Variants in CNTN5 observed in about 807,000 individuals in gnomAD.
The protein encoded by CNTN5 is contactin-5.
In CNTN5, 77 loss-of-function variants were observed where a neutral mutation model predicts 129.1. The observed-to-expected ratio is 0.60, with a 90% CI of 0.50 to 0.72. The LOEUF (loss-of-function observed/expected upper bound fraction) is 0.72. CNTN5 is among the 30% of genes least tolerant of loss of function. The probability of loss-of-function intolerance (pLI) is 0.00; values close to 1 mark genes in which losing one functional copy is unlikely to be tolerated. For synonymous variants in CNTN5, 509 were observed against 465.6 expected, an observed-to-expected ratio of 1.09 and a Z score of -1.20; for missense variants, 1,478 against 1,328.8, an observed-to-expected ratio of 1.11 and a Z score of -1.75.
At chr11:99,610,262 A>T (rs1274845955) in intron 3 of CNTN5, among the ~76,000 whole-genome samples, 1 of 152,116 alleles carries the variant, frequency 6.6e-6, no homozygotes, top group African/African-American at 2.4e-5. Context: ...TGGGTTCTCT[A>T]GTCTGCCAAT....
chr11:100,200,629 G>A (rs944124690), intron 15 of CNTN5, among the ~76,000 whole-genome samples: 11 of 151,786 alleles, frequency 7.2e-5, no homozygotes, highest in African/African-American at 2.7e-4. Flanking sequence ...GGCAATTTTT[G>A]TCGGGGGCAT....
At chr11:100,166,636 T>C (rs1424960095) in intron 13 of CNTN5, among the ~76,000 whole-genome samples, 1 of 151,778 alleles carries the variant, frequency 6.6e-6, no homozygotes, top group Non-Finnish European at 1.5e-5. Flanking sequence ...TCTTTGGAAT[T>C]AGTGAAAAAC....
chr11:99,980,641 C>T (rs907679429), intron 8 of CNTN5, among the ~76,000 whole-genome samples: 2 of 152,028 alleles, frequency 1.3e-5, no homozygotes, highest in African/African-American at 4.8e-5. Flanking sequence ...AATAGCAGTT[C>T]CCAGTTGCTG....
chr11:99,036,944 A>G (rs896930801), intron 1 of CNTN5, among the ~76,000 whole-genome samples: 1 of 152,220 alleles, frequency 6.6e-6, no homozygotes, highest in Non-Finnish European at 1.5e-5. Context: ...CATAGCAGCA[A>G]GAGGTCAATC....
At chr11:99,729,240 C>T (rs975069516) in intron 3 of CNTN5, among the ~76,000 whole-genome samples, 1 of 152,020 alleles carries the variant, frequency 6.6e-6, no homozygotes, top group African/African-American at 2.4e-5. Flanking sequence ...GGGGTGCCTT[C>T]AGAGAAGGCA....
At chr11:99,924,553 T>C (rs1950017400) in intron 7 of CNTN5, among the ~76,000 whole-genome samples, 1 of 152,060 alleles carries the variant, frequency 6.6e-6, no homozygotes, top group African/African-American at 2.4e-5. Context: ...TGGTTGTGGG[T>C]ATGCAGCTTT....
intron 9 of CNTN5, among the ~76,000 whole-genome samples, chr11:100,049,532 A>C (rs767663149): frequency 4.1e-4 from 62 of 152,272 alleles, no homozygotes; most frequent in Non-Finnish European, 8.1e-4. Flanking sequence ...ATTATATTAA[A>C]TGTAAATTCA....
chr11:100,186,430 G>A (rs573227637), intron 13 of CNTN5, among the ~76,000 whole-genome samples: 4 of 152,074 alleles, frequency 2.6e-5, no homozygotes, highest in Admixed American at 6.6e-5. Flanking sequence ...AAATGGCCCC[G>A]AAATCAAGAT....
chr11:99,455,006 A>G (rs1441241176), intron 2 of CNTN5, among the ~76,000 whole-genome samples: 1 of 152,176 alleles, frequency 6.6e-6, no homozygotes, highest in East Asian at 1.9e-4. Context: ...CACTGCATAT[A>G]GAATCTAAAC....
At chr11:99,404,891 T>C (rs1432770718) in intron 2 of CNTN5, among the ~76,000 whole-genome samples, 1 of 152,170 alleles carries the variant, frequency 6.6e-6, no homozygotes, top group Non-Finnish European at 1.5e-5. Flanking sequence ...TAGCATTTCT[T>C]ATAGGACAGG....
chr11:99,384,845 A>T (rs1354873598), intron 2 of CNTN5, among the ~76,000 whole-genome samples: 3 of 152,204 alleles, frequency 2.0e-5, no homozygotes, highest in Admixed American at 1.3e-4. Flanking sequence ...AATCAAGCTA[A>T]TTACCATATC....
Position 100,358,409 on chromosome 11 carries a change from G to T in CNTN5, c.*2189G>T, listed in dbSNP as rs1391311105. On this transcript the variant is annotated 3_prime_UTR_variant, in exon 25 of 25. Transcript: ENST00000524871. ...TATTCTTACAGGAATCAGAGATATG[G>T]AATGTTTTTACTTAACATACACAGA... The T allele has an allele frequency of 6.6e-6, 1 of 151,790 alleles. No homozygotes were observed. Among genetic ancestry groups the T allele is most frequent in the African/African-American group, 2.4e-5 (1 of 41,392 alleles). 9.4% of individuals were successfully genotyped at this position (151,790 alleles called of 1,614,324 possible).
chr11:99,782,844 C>A (rs1014970631), intron 3 of CNTN5, among the ~76,000 whole-genome samples: 2 of 151,782 alleles, frequency 1.3e-5, no homozygotes, highest in African/African-American at 4.8e-5. Context: ...GGATTAAAGA[C>A]TTAAACGTTA....
At chr11:99,323,476 A>C (rs1865655008) in intron 1 of CNTN5, among the ~76,000 whole-genome samples, 1 of 152,184 alleles carries the variant, frequency 6.6e-6, no homozygotes, top group South Asian at 2.1e-4. Context: ...GTTCATAATG[A>C]AATGTGAAAA....
chr11:99,566,030 C>A (rs78222568), intron 3 of CNTN5, among the ~76,000 whole-genome samples: 6,648 of 152,158 alleles, frequency 0.044, 214 homozygotes, highest in Non-Finnish European at 0.066. Flanking sequence ...TGCTAGCATG[C>A]TGAAAGAGTT....
chr11:99,426,153 A>G (rs1476506162), intron 2 of CNTN5, among the ~76,000 whole-genome samples: 1 of 152,206 alleles, frequency 6.6e-6, no homozygotes, highest in African/African-American at 2.4e-5. Context: ...TTATACCAAA[A>G]ATCTGACTAT....
At chr11:99,513,630 C>T (rs1300941349) in intron 2 of CNTN5, among the ~76,000 whole-genome samples, 4 of 152,014 alleles carry the variant, frequency 2.6e-5, no homozygotes, top group Non-Finnish European at 5.9e-5. Context: ...TCTACTCTGC[C>T]TGTTCTATGT....
At chr11:99,626,588 G>C (rs2135784677) in intron 3 of CNTN5, among the ~76,000 whole-genome samples, 1 of 152,134 alleles carries the variant, frequency 6.6e-6, no homozygotes, top group South Asian at 2.1e-4. Context: ...TGCAGTGCTG[G>C]CTTTCTGCAT....
chr11:99,961,680 T>G (rs1411087151), intron 8 of CNTN5, among the ~76,000 whole-genome samples: 1 of 152,218 alleles, frequency 6.6e-6, no homozygotes, highest in Non-Finnish European at 1.5e-5. Context: ...TATCGCTATA[T>G]GCAAAAAGTC....
Sources: gnomAD v4.1 joint callset for allele counts (sites outside exome capture counted in the v4.1 genomes callset) on GRCh38, gnomAD v4.1.1 for gene constraint, MANE v1.5 for transcripts, NCBI Gene and HGNC (gene_info 2026-07-23, HGNC 2026-07-21) for gene names.